ERBIN: variants seen among roughly 807,000 people sequenced by gnomAD.
The protein encoded by ERBIN is erbb2 interacting protein.
In ERBIN, 60 loss-of-function variants were observed where a neutral mutation model predicts 158.4. The observed-to-expected ratio is 0.38, with a 90% CI of 0.31 to 0.47. The LOEUF is 0.47. Ranked by LOEUF, ERBIN falls within the 20% of genes least tolerant of loss-of-function variation. The probability of loss-of-function intolerance (pLI) is 0.99; values close to 1 mark genes in which losing one functional copy is unlikely to be tolerated. For synonymous variants in ERBIN, 594 were observed against 557.2 expected, an observed-to-expected ratio of 1.07 and a Z score of -0.93; for missense variants, 1,610 against 1,648.0, an observed-to-expected ratio of 0.98 and a Z score of 0.40.
At chr5:65,941,722 A>G (rs1745070149) in intron 1 of ERBIN, among the ~76,000 whole-genome samples, 1 of 151,934 alleles carries the variant, frequency 6.6e-6, no homozygotes, top group Admixed American at 6.6e-5. Flanking sequence ...TGTTTCATAG[A>G]CCTTAACCTT....
intron 8 of ERBIN, chr5:66,022,918 T>G (rs1755849946): frequency 6.3e-6 from 1 of 157,620 alleles, no homozygotes. Context: ...TTACTGATAA[T>G]GCATGAGTGC....
At chr5:66,051,031 A>G in intron 20 of ERBIN, 65 bp downstream of exon 20, 1 of 1,002,060 alleles carries the variant, frequency 1.0e-6, no homozygotes, top group Non-Finnish European at 1.5e-6. Context: ...GCAGATAACA[A>G]ATACATAAAT....
At chr5:65,970,430 A>G (rs1258556031) in intron 1 of ERBIN, among the ~76,000 whole-genome samples, 1 of 152,090 alleles carries the variant, frequency 6.6e-6, no homozygotes, top group African/African-American at 2.4e-5. Context: ...ATATATTTCA[A>G]AGCCTATCCT....
At chr5:65,978,107 A>G (rs1197284554) in intron 1 of ERBIN, among the ~76,000 whole-genome samples, 1 of 152,180 alleles carries the variant, frequency 6.6e-6, no homozygotes, top group Admixed American at 6.5e-5. Flanking sequence ...CTTTTTGCAC[A>G]CCTTTTATTG....
chr5:65,970,639 G>C (rs1749146033), intron 1 of ERBIN, among the ~76,000 whole-genome samples: 1 of 152,140 alleles, frequency 6.6e-6, no homozygotes, highest in Admixed American at 6.6e-5. Context: ...TCAGAGTTGA[G>C]TGCAGTCGTG....
chr5:65,928,972 A>G (rs1051057705), intron 1 of ERBIN, among the ~76,000 whole-genome samples: 3 of 152,208 alleles, frequency 2.0e-5, no homozygotes, highest in South Asian at 2.1e-4. Flanking sequence ...TCCAAAGTCT[A>G]TATTGCACAA....
chr5:65,931,651 T>A (rs1360524057), intron 1 of ERBIN, among the ~76,000 whole-genome samples: 3 of 152,192 alleles, frequency 2.0e-5, no homozygotes, highest in Non-Finnish European at 2.9e-5. Context: ...TGTTTTATAT[T>A]TTTGCAAGTC....
intron 13 of ERBIN, among the ~76,000 whole-genome samples, chr5:66,027,631 T>C (rs1756421343): frequency 6.6e-6 from 1 of 152,064 alleles, no homozygotes; most frequent in Non-Finnish European, 1.5e-5. Context: ...ATAGGTATTA[T>C]AAGTACTCTA....
At chr5:65,980,878 C>G (rs3900823) in intron 1 of ERBIN, among the ~76,000 whole-genome samples, 3 of 152,090 alleles carry the variant, frequency 2.0e-5, no homozygotes, top group Non-Finnish European at 4.4e-5. Context: ...CTATACTTTT[C>G]GATAACTTAC....
chr5:65,996,555 T>A (rs1554055027), intron 4 of ERBIN, among the ~76,000 whole-genome samples: 1 of 152,206 alleles, frequency 6.6e-6, no homozygotes, highest in Non-Finnish European at 1.5e-5. Context: ...TAGCATATTG[T>A]GAAGTCGGGT....
rs900385528 is a variant in ERBIN, at chr5:65,926,666, C to T, written c.-198C>T. The T allele has an allele frequency of 6.6e-6, 1 of 151,846 alleles. No individual in the cohort carries two copies. Among genetic ancestry groups the T allele is most frequent in the African/African-American group, 2.4e-5 (1 of 41,300 alleles). 9.4% of individuals were successfully genotyped at this position (151,846 alleles called of 1,614,324 possible). On this transcript the variant is annotated 5_prime_UTR_variant, in exon 1 of 26. Transcript: ENST00000284037. ...CCAACCCCCACCAAAGCCACCTACT[C>T]TTCTTCTGTGGGAGGCCAGTCCACA...
At chr5:65,940,743 G>T (rs1302565563) in intron 1 of ERBIN, among the ~76,000 whole-genome samples, 1 of 150,972 alleles carries the variant, frequency 6.6e-6, no homozygotes, top group Non-Finnish European at 1.5e-5. Flanking sequence ...GAGGTGAGGG[G>T]CGCCTCTGCC....
At chr5:66,027,467 T>C (rs1756393010) in intron 13 of ERBIN, among the ~76,000 whole-genome samples, 1 of 151,994 alleles carries the variant, frequency 6.6e-6, no homozygotes, top group Non-Finnish European at 1.5e-5. Flanking sequence ...AGTTGACCCT[T>C]GTATTTGTGG....
At chr5:65,966,125 AATGT>A (rs1748589124) in intron 1 of ERBIN, among the ~76,000 whole-genome samples, 1 of 152,146 alleles carries the variant, frequency 6.6e-6, no homozygotes, top group Non-Finnish European at 1.5e-5. Flanking sequence ...CTGTATAAAC[AATGT>A]TGGTTTCATA....
At chr5:65,992,237 C>T (rs954406675) in intron 2 of ERBIN, among the ~76,000 whole-genome samples, 1 of 151,996 alleles carries the variant, frequency 6.6e-6, no homozygotes, top group Admixed American at 6.6e-5. Flanking sequence ...GCAAGCTCCA[C>T]CTCCCGGGTT....
chr5:66,073,935 G>A (rs879545453), intron 22 of ERBIN, among the ~76,000 whole-genome samples: 2 of 151,962 alleles, frequency 1.3e-5, no homozygotes, highest in Non-Finnish European at 2.9e-5. Context: ...CTAGGGTGCA[G>A]TGGCATGCTC....
In ERBIN at chr5:66,026,527, A is replaced by G. The variant is rs1229027001; in HGVS notation, c.1136+110A>G. On this transcript the variant is annotated intron_variant, in intron 13 of 25. Coordinates refer to ENST00000284037, the MANE Select transcript of ERBIN (RefSeq NM_001253697.2). ...CTAGTGCTTGTTGCTCTTTAAATAT[A>G]CATAGTAAGTTCTCAGTGTTATTGA... 9 of 480,844 alleles carry G rather than the reference A, an allele frequency of 1.9e-5. 1 individual carries two copies. Among genetic ancestry groups the G allele is most frequent in the Non-Finnish European group, 2.8e-5 (8 of 282,958 alleles). 29.8% of individuals were successfully genotyped at this position (480,844 alleles called of 1,614,324 possible). A position where few individuals can be genotyped will look rare whatever the true frequency, so the allele number is the denominator to read the frequency against.
In ERBIN at chr5:65,947,458, A is replaced by G. The variant is rs1745915557; in HGVS notation, c.-58+20652A>G. Among the ~76,000 whole-genome samples, 3 of 152,316 alleles carry G rather than the reference A, an allele frequency of 2.0e-5. No homozygotes were observed. In the South Asian group the frequency reaches 6.2e-4, roughly 32 times the overall value. ...CCCTGTATGTTCAGCTTCATTGATT[A>G]TTATTTTTAACATTTCTCCTTACAG... On this transcript the variant is annotated intron_variant, in intron 1 of 25. Coordinates refer to ENST00000284037, the MANE Select transcript of ERBIN (RefSeq NM_001253697.2).
intron 14 of ERBIN, among the ~76,000 whole-genome samples, chr5:66,032,677 A>C (rs978470304): frequency 6.6e-6 from 1 of 152,294 alleles, no homozygotes; most frequent in East Asian, 1.9e-4. Context: ...AGTGCCAAGC[A>C]TGAAGGTAGG....
Sources: gnomAD v4.1 joint callset for allele counts (sites outside exome capture counted in the v4.1 genomes callset) on GRCh38, gnomAD v4.1.1 for gene constraint, MANE v1.5 for transcripts, NCBI Gene and HGNC (gene_info 2026-07-23, HGNC 2026-07-21) for gene names.